OVCH1: variants seen among roughly 807,000 people sequenced by gnomAD.
The protein encoded by OVCH1 is ovochymase-1.
A neutral mutation model predicts 138.4 loss-of-function variants in OVCH1; 139 were observed. That is an observed-to-expected ratio of 1.00 (90% CI 0.87 to 1.16). The LOEUF (loss-of-function observed/expected upper bound fraction) is 1.16, where lower values mean the gene tolerates loss of function less well. OVCH1 is among the 50% of genes most tolerant of loss of function. The pLI is 0.00. For missense variants in OVCH1, 1,367 were observed against 1,357.9 expected, an observed-to-expected ratio of 1.01 and a Z score of -0.11; for synonymous variants, 453 against 467.8, an observed-to-expected ratio of 0.97 and a Z score of 0.41.
chr12:29,442,854 AG>A (rs1270471132), intron 25 of OVCH1, among the ~76,000 whole-genome samples: 1 of 152,052 alleles, frequency 6.6e-6, no homozygotes, highest in Admixed American at 6.6e-5. Flanking sequence ...GTATTTCAGT[AG>A]CATTTTTCTC....
At chr12:29,463,752 A>T (rs565434300) in intron 18 of OVCH1, among the ~76,000 whole-genome samples, 1 of 152,312 alleles carries the variant, frequency 6.6e-6, no homozygotes, top group Admixed American at 6.5e-5. Flanking sequence ...ACGAAAGTGC[A>T]ATTTGGCTTC....
chr12:29,402,960 G>T, the OVCH1 span, among the ~76,000 whole-genome samples: 4 of 152,190 alleles, frequency 2.6e-5, no homozygotes, highest in Non-Finnish European at 5.9e-5. Context: ...TTAAATCAAG[G>T]TTCATTAGAC....
At chr12:29,495,136 T>C in intron 4 of OVCH1, 149 bp downstream of exon 4, 1 of 717,932 alleles carries the variant, frequency 1.4e-6, no homozygotes, top group Non-Finnish European at 2.2e-6. Flanking sequence ...ATTTTCTCAA[T>C]AGGTTATAGA....
chr12:29,404,141 A>G, the OVCH1 span, among the ~76,000 whole-genome samples: 1 of 152,224 alleles, frequency 6.6e-6, no homozygotes, highest in East Asian at 1.9e-4. Context: ...TCCCATTTGT[A>G]ATCACAGTTG....
At chr12:29,477,110 T>C (rs1285970067) in exon 12 of OVCH1, 1 of 1,607,042 alleles carries the variant, frequency 6.2e-7, no homozygotes, top group Non-Finnish European at 8.5e-7. Context: ...ACCTTTATAA[T>C]GTGCTTCTCT....
rs768768201 is a variant in OVCH1 at position 29,471,932 on chromosome 12, C to T, written c.1726G>A (p.Ala576Thr). 8 of 1,613,214 alleles carry T rather than the reference C, an allele frequency of 5.0e-6. No individual in the cohort carries two copies. The highest frequency in any genetic ancestry group is 3.3e-5 in the Admixed American group (2 of 59,878). Residue 576 changes from alanine (A) to threonine (T), a missense_variant, in exon 16 of 28, where the codon GCA becomes ACA. Physicochemically the swap from Ala to Thr is moderately conservative, Grantham distance 58 (BLOSUM62 0). Transcript: ENST00000318184. ...TGGGGGCAGGCTTCTTCCCCTCCTG[C>T]GATTCTTCTGGAAAGCCACTGGGGA... is the stretch of plus-strand genomic sequence containing the variant.
At chr12:29,457,325 T>C (rs1433605120) in intron 19 of OVCH1, among the ~76,000 whole-genome samples, 1 of 151,766 alleles carries the variant, frequency 6.6e-6, no homozygotes, top group East Asian at 1.9e-4. Context: ...GTTCAATTTA[T>C]CTCTTTTTGC....
intron 2 of OVCH1, 32 bp from the exon 3 acceptor site, chr12:29,496,310 A>G (rs2136102527): frequency 1.3e-6 from 2 of 1,508,328 alleles, no homozygotes; most frequent in Non-Finnish European, 1.8e-6. Flanking sequence ...AATGCAGCTA[A>G]TATGTCTCCC....
intron 19 of OVCH1, 84 bp from the exon 20 acceptor site, chr12:29,455,489 A>T (rs553800749): frequency 1.4e-6 from 2 of 1,395,668 alleles, no homozygotes; most frequent in African/African-American, 2.9e-5. Context: ...AATGACCAAT[A>T]ATGTATTTGT....
At chr12:29,473,087 A>G (rs777134150) in exon 15 of OVCH1, 1 of 1,607,312 alleles carries the variant, frequency 6.2e-7, no homozygotes, top group Admixed American at 1.7e-5. Flanking sequence ...ACTTTGGTTC[A>G]AATTTGTTTA....
At chr12:29,407,692 C>T (rs1355881621), downstream of OVCH1, among the ~76,000 whole-genome samples, 2 of 152,086 alleles carry the variant, frequency 1.3e-5, no homozygotes, top group African/African-American at 2.4e-5. Context: ...CAGTACCATG[C>T]TGTTTTGGTT....
intron 19 of OVCH1, among the ~76,000 whole-genome samples, chr12:29,459,838 T>C (rs1038854386): frequency 1.3e-5 from 2 of 152,200 alleles, no homozygotes; most frequent in African/African-American, 4.8e-5. Flanking sequence ...AATAACAGGA[T>C]ACTACGTTGC....
intron 16 of OVCH1, among the ~76,000 whole-genome samples, chr12:29,466,840 T>C (rs1366075652): frequency 1.3e-5 from 2 of 152,194 alleles, no homozygotes; most frequent in Admixed American, 1.3e-4. Context: ...CTGTCACTTC[T>C]ACTTGGAGAC....
intron 3 of OVCH1, among the ~76,000 whole-genome samples, chr12:29,414,292 C>G (rs1041967901): frequency 9.9e-5 from 15 of 152,136 alleles, no homozygotes; most frequent in African/African-American, 3.6e-4. Context: ...TCCCAAAGTG[C>G]TGGGATTACA....
At chr12:29,496,350 A>C in intron 2 of OVCH1, 72 bp from the exon 3 acceptor site, 1 of 1,314,514 alleles carries the variant, frequency 7.6e-7, no homozygotes, top group African/African-American at 1.5e-5. Flanking sequence ...GAAACACTGG[A>C]GATCAACTTT....
At chr12:29,481,170 C>T (rs961049674) in intron 8 of OVCH1, among the ~76,000 whole-genome samples, 1 of 151,946 alleles carries the variant, frequency 6.6e-6, no homozygotes, top group African/African-American at 2.4e-5. Flanking sequence ...TAATTTTTTA[C>T]CTCTCCCTAC....
chr12:29,454,893 T>C (rs1210205151), exon 21 of OVCH1: 1 of 1,612,940 alleles, frequency 6.2e-7, no homozygotes, highest in Non-Finnish European at 8.5e-7. Context: ...ATTGTTGTTT[T>C]AAGGTTTTGC....
At chr12:29,405,842 T>C in the OVCH1 span, among the ~76,000 whole-genome samples, 1 of 152,230 alleles carries the variant, frequency 6.6e-6, no homozygotes, top group Non-Finnish European at 1.5e-5. Context: ...GACTTGACTT[T>C]GCCGAATAAA....
downstream of OVCH1, among the ~76,000 whole-genome samples, chr12:29,409,563 G>A (rs1421089919): frequency 6.6e-6 from 1 of 151,994 alleles, no homozygotes; most frequent in East Asian, 1.9e-4. Context: ...ATTTCGTTAT[G>A]TACCCAGTAG....
Sources: allele counts gnomAD v4.1 joint callset (sites outside exome capture counted in the v4.1 genomes callset), GRCh38; gene constraint gnomAD v4.1.1; transcripts MANE v1.5; gene names NCBI Gene and HGNC (gene_info 2026-07-23, HGNC 2026-07-21).